SCARA5: variants seen among roughly 807,000 people sequenced by gnomAD.
The protein encoded by SCARA5 is scavenger receptor class A, member 5 (putative).
Under a neutral mutation model 46.3 loss-of-function variants are expected in SCARA5, and 45 were observed. That is an observed-to-expected ratio of 0.97 (90% confidence interval 0.76 to 1.24). The LOEUF (loss-of-function observed/expected upper bound fraction) is 1.24, where lower values mean the gene tolerates loss of function less well. Among genes scored for constraint, SCARA5 ranks in the 50% most tolerant of loss-of-function variants. SCARA5 has a pLI of 0.00. For missense variants in SCARA5, 680 were observed against 689.0 expected, an observed-to-expected ratio of 0.99 and a Z score of 0.15; for synonymous variants, 333 against 306.5, an observed-to-expected ratio of 1.09 and a Z score of -0.90.
intron 2 of SCARA5, among the ~76,000 whole-genome samples, chr8:27,985,353 C>G (rs1398989402): frequency 6.6e-6 from 1 of 152,118 alleles, no homozygotes; most frequent in African/African-American, 2.4e-5. Context: ...GCAAAAGACC[C>G]AGGTGAGCAA....
chr8:27,965,122 C>T (rs867051177), intron 3 of SCARA5, among the ~76,000 whole-genome samples: 1 of 152,168 alleles, frequency 6.6e-6, no homozygotes, highest in Non-Finnish European at 1.5e-5. Context: ...TCAGGTTGCT[C>T]ATTGATGGGA....
In SCARA5 at chr8:27,938,717, T is replaced by C. The variant is rs368774523; in HGVS notation, c.242-16472A>G. ...CCAGAGTTGACCTTATCTCCAGCAG[T>C]TTTTAATCTATGTGAAAATTAAAGA... is the stretch of plus-strand genomic sequence containing the variant. On this transcript the variant is annotated intron_variant, in intron 3 of 8. Transcript: ENST00000354914. Among the ~76,000 whole-genome samples, 101 of 152,258 alleles carry C rather than the reference T, an allele frequency of 6.6e-4. 1 individual carries two copies. Among genetic ancestry groups the C allele is most frequent in the African/African-American group, 1.9e-3 (77 of 41,550 alleles).
intron 4 of SCARA5, among the ~76,000 whole-genome samples, chr8:27,919,241 G>GGAGGAC (rs1554572007): frequency 1.4e-5 from 2 of 140,052 alleles, no homozygotes; most frequent in Non-Finnish European, 3.1e-5. Flanking sequence ...AGGAAGAGAC[G>GGAGGAC]GAGGAGGAAG....
intron 2 of SCARA5, among the ~76,000 whole-genome samples, chr8:27,973,250 G>C (rs1179568104): frequency 1.3e-5 from 2 of 152,084 alleles, no homozygotes; most frequent in Non-Finnish European, 2.9e-5. Context: ...GCCAAGGTGG[G>C]CAGATCACTT....
intron 3 of SCARA5, among the ~76,000 whole-genome samples, chr8:27,945,598 T>A (rs1267514033): frequency 6.6e-6 from 1 of 152,158 alleles, no homozygotes; most frequent in Admixed American, 6.5e-5. Context: ...GCAGGTTGGG[T>A]ACAAAGAAAT....
At chr8:27,895,863 G>T (rs1466090970) in intron 7 of SCARA5, among the ~76,000 whole-genome samples, 1 of 152,156 alleles carries the variant, frequency 6.6e-6, no homozygotes, top group Non-Finnish European at 1.5e-5. Context: ...TCTGGAAACT[G>T]GAAGTTTGCT....
At chr8:27,900,621 C>T (rs1807136301) in intron 7 of SCARA5, among the ~76,000 whole-genome samples, 1 of 151,994 alleles carries the variant, frequency 6.6e-6, no homozygotes, top group Non-Finnish European at 1.5e-5. Flanking sequence ...ATTTTTTAAA[C>T]AATCTGAACT....
At chr8:27,893,303 T>C (rs1807015734) in intron 7 of SCARA5, among the ~76,000 whole-genome samples, 1 of 152,064 alleles carries the variant, frequency 6.6e-6, no homozygotes, top group South Asian at 2.1e-4. Context: ...GCAAACTGGA[T>C]GTTATTTGTT....
rs559008004 is a variant in SCARA5, at chr8:27,965,465, G to A, written c.241+949C>T. ...TCTATGTGCCTGCTCTGTCACCATCGCATTGGGCTACACCCCATCACAGTG... is the reference window on the plus strand; with the variant it reads ...TCTATGTGCCTGCTCTGTCACCATCACATTGGGCTACACCCCATCACAGTG... On this transcript the variant is annotated intron_variant, in intron 3 of 8. Coordinates refer to ENST00000354914, the MANE Select transcript of SCARA5 (RefSeq NM_173833.6). 1.7e-3 allele frequency among the ~76,000 whole-genome samples: 252 copies of A among 152,244 alleles called. 1 individual carries two copies. Among genetic ancestry groups the A allele is most frequent in the African/African-American group, 5.3e-3 (220 of 41,556 alleles).
chr8:27,957,391 A>T (rs1394696687), intron 3 of SCARA5, among the ~76,000 whole-genome samples: 1 of 152,360 alleles, frequency 6.6e-6, no homozygotes, highest in Non-Finnish European at 1.5e-5. Flanking sequence ...GGCGGTTAAC[A>T]CGGATGAATT....
At chr8:27,953,385 T>G (rs1330744144) in intron 3 of SCARA5, among the ~76,000 whole-genome samples, 1 of 152,238 alleles carries the variant, frequency 6.6e-6, no homozygotes, top group Non-Finnish European at 1.5e-5. Flanking sequence ...GTATTTTCAT[T>G]GACGCATTGC....
At chr8:27,947,014 C>CT (rs1358571998) in intron 3 of SCARA5, among the ~76,000 whole-genome samples, 4,610 of 138,300 alleles carry the variant, frequency 0.033, 117 homozygotes, top group African/African-American at 0.056. Context: ...TCCTGTTGGG[C>CT]TTTTTTTTTT....
intron 4 of SCARA5, among the ~76,000 whole-genome samples, chr8:27,918,323 C>T (rs1807500116): frequency 6.6e-6 from 1 of 152,150 alleles, no homozygotes; most frequent in Admixed American, 6.5e-5. Context: ...AGATTCTCCT[C>T]AGGTCCCATT....
At chr8:27,898,571 C>T (rs562927267) in intron 7 of SCARA5, among the ~76,000 whole-genome samples, 17 of 152,316 alleles carry the variant, frequency 1.1e-4, no homozygotes, top group Middle Eastern at 6.8e-3. Context: ...ACTTCTTAAG[C>T]GATAAGAGTG....
chr8:27,973,949 A>C (rs1808483844), intron 2 of SCARA5, among the ~76,000 whole-genome samples: 1 of 152,206 alleles, frequency 6.6e-6, no homozygotes, highest in Non-Finnish European at 1.5e-5. Context: ...GGGAGCAAGA[A>C]TACCCCAAAG....
chr8:27,925,894 A>G (rs894995473), intron 3 of SCARA5, among the ~76,000 whole-genome samples: 1 of 152,244 alleles, frequency 6.6e-6, no homozygotes, highest in South Asian at 2.1e-4. Flanking sequence ...GAGAACCACA[A>G]TGAGATATGA....
chr8:27,968,201 G>A (rs972281736), intron 2 of SCARA5, among the ~76,000 whole-genome samples: 2 of 152,120 alleles, frequency 1.3e-5, no homozygotes, highest in Non-Finnish European at 2.9e-5. Context: ...GTCCCCCAGA[G>A]GTATTGTTAT....
intron 3 of SCARA5, among the ~76,000 whole-genome samples, chr8:27,953,172 C>A (rs367758170): frequency 1.3e-5 from 2 of 152,160 alleles, no homozygotes; most frequent in South Asian, 4.1e-4. Context: ...ACCCAGGGGG[C>A]CAGGACATTG....
intron 3 of SCARA5, among the ~76,000 whole-genome samples, chr8:27,925,976 T>A (rs1361902047): frequency 1.3e-5 from 2 of 152,096 alleles, no homozygotes; most frequent in Non-Finnish European, 2.9e-5. Context: ...TGTGGAGAAA[T>A]AAGAATGCTT....
Sources: allele counts gnomAD v4.1 joint callset (sites outside exome capture counted in the v4.1 genomes callset), GRCh38; gene constraint gnomAD v4.1.1; transcripts MANE v1.5; gene names NCBI Gene and HGNC (gene_info 2026-07-23, HGNC 2026-07-21).